The following DIP2C variants were observed in gnomAD, a reference collection of about 807,000 sequenced individuals.
DIP2C encodes disco-interacting protein 2 homolog C.
DIP2C carries 33 observed loss-of-function variants against 192.4 expected under a neutral mutation model. That is an observed-to-expected ratio of 0.17 (90% CI 0.13 to 0.23). The LOEUF is 0.23. Among genes scored for constraint, DIP2C ranks in the 10% least tolerant of loss-of-function variants. The probability of loss-of-function intolerance (pLI) is 1.00; values close to 1 mark genes in which losing one functional copy is unlikely to be tolerated. For synonymous variants in DIP2C, 979 were observed against 864.1 expected (o/e 1.13, Z -2.33); for missense variants, 1,537 against 2,110.1 (o/e 0.73, Z 5.32).
chr10:506,885 C>T (rs115006665), intron 1 of DIP2C, among the ~76,000 whole-genome samples: 1 of 152,182 alleles, frequency 6.6e-6, no homozygotes, highest in Non-Finnish European at 1.5e-5. Context: ...ACACACTGTG[C>T]ACAGAGGTGT....
At chr10:594,626 C>CT (rs1455267374) in intron 1 of DIP2C, among the ~76,000 whole-genome samples, 12 of 151,754 alleles carry the variant, frequency 7.9e-5, no homozygotes, top group Non-Finnish European at 1.5e-5. Flanking sequence ...CGTAAGGGAA[C>CT]TGGAGGGCAC....
intron 33 of DIP2C, among the ~76,000 whole-genome samples, chr10:287,791 C>G (rs1955231288): frequency 6.6e-6 from 1 of 151,784 alleles, no homozygotes; most frequent in Non-Finnish European, 1.5e-5. Flanking sequence ...GTGGCAGAAA[C>G]TACTGGTTGT....
rs780820040 is a variant in DIP2C at position 366,334 on chromosome 10, C to A, written c.2209G>T (p.Ala737Ser). ...TDEIGELCVC[A>S]VATGTSYYGL... is the part of the protein sequence containing the mutation. ...TAGTAGGACGTGCCCGTCGCAACTGCACACACACACAGCTCCCCGATCTCA... is the reference window on the plus strand; with the variant it reads ...TAGTAGGACGTGCCCGTCGCAACTGAACACACACACAGCTCCCCGATCTCA... Residue 737 changes from alanine (A) to serine (S), a missense_variant, in exon 19 of 37, where the codon GCA (alanine) becomes TCA (serine). Physicochemically the swap from Ala to Ser is moderately conservative, Grantham distance 99. Coordinates refer to ENST00000280886, the MANE Select transcript of DIP2C (RefSeq NM_014974.3). The A allele has an allele frequency of 1.9e-6, 3 of 1,611,916 alleles. No individual in the cohort carries two copies. The African/African-American group carries it at 4.0e-5, about 22-fold the overall frequency.
chr10:448,081 A>C (rs1457326327), intron 3 of DIP2C, among the ~76,000 whole-genome samples: 1 of 131,682 alleles, frequency 7.6e-6, no homozygotes, highest in Admixed American at 7.0e-5. Flanking sequence ...GTCTATACTC[A>C]GGATCACACA....
At chr10:606,515 G>A (rs1852490925) in intron 1 of DIP2C, among the ~76,000 whole-genome samples, 1 of 148,778 alleles carries the variant, frequency 6.7e-6, no homozygotes, top group Non-Finnish European at 1.5e-5. Context: ...GGATCTCACG[G>A]CCCCGCTGCC....
At chr10:444,122 C>T (rs931490101) in intron 3 of DIP2C, among the ~76,000 whole-genome samples, 1 of 152,184 alleles carries the variant, frequency 6.6e-6, no homozygotes, top group East Asian at 1.9e-4. Context: ...CCCATCGTCA[C>T]ATGGACTCCA....
At chr10:401,150 A>G (rs1564664569) in intron 9 of DIP2C, among the ~76,000 whole-genome samples, 1 of 149,624 alleles carries the variant, frequency 6.7e-6, no homozygotes, top group Non-Finnish European at 1.5e-5. Flanking sequence ...CAAGTTTGGT[A>G]TGTGTTCATC....
At chr10:372,749 C>CACACAGGCGGCTACAGAAGCGT (rs1961129628) in intron 17 of DIP2C, among the ~76,000 whole-genome samples, 24 of 151,332 alleles carry the variant, frequency 1.6e-4, no homozygotes, top group African/African-American at 5.6e-4. Context: ...CACAGAAGCA[C>CACACAGGCGGCTACAGAAGCGT]GGGTGCTCCC....
chr10:424,783 A>G (rs1357598427), intron 4 of DIP2C, among the ~76,000 whole-genome samples: 3 of 152,200 alleles, frequency 2.0e-5, no homozygotes, highest in African/African-American at 7.2e-5. Flanking sequence ...TCTCCCCAGA[A>G]TGTCTTCTCA....
At chr10:655,598 T>C (rs1856240724) in intron 1 of DIP2C, among the ~76,000 whole-genome samples, 1 of 152,226 alleles carries the variant, frequency 6.6e-6, no homozygotes, top group South Asian at 2.1e-4. Context: ...TTTGCGACTC[T>C]ACTACTGCAC....
intron 10 of DIP2C, among the ~76,000 whole-genome samples, chr10:398,586 T>C (rs999829981): frequency 7.9e-5 from 12 of 152,308 alleles, no homozygotes; most frequent in Non-Finnish European, 1.5e-4. Flanking sequence ...TCCTCAACCT[T>C]GGCAAAATAA....
chr10:495,460 G>A (rs1170759759), intron 1 of DIP2C, among the ~76,000 whole-genome samples: 1 of 152,002 alleles, frequency 6.6e-6, no homozygotes, highest in Non-Finnish European at 1.5e-5. Context: ...GCTTGAAGGG[G>A]CAGGAAAAAA....
At chr10:650,672 A>C in intron 1 of DIP2C, 1 of 619,128 alleles carries the variant, frequency 1.6e-6, no homozygotes, top group Non-Finnish European at 2.9e-6. Flanking sequence ...TGAGCTGGCA[A>C]GGGGCCTCCC....
chr10:426,203 A>G (rs935258765), intron 4 of DIP2C, among the ~76,000 whole-genome samples: 1 of 152,192 alleles, frequency 6.6e-6, no homozygotes, highest in South Asian at 2.1e-4. Context: ...TACTAGCAAT[A>G]AACAACCTGA....
chr10:574,064 C>A (rs927803979), intron 1 of DIP2C, among the ~76,000 whole-genome samples: 1 of 152,200 alleles, frequency 6.6e-6, no homozygotes, highest in African/African-American at 2.4e-5. Context: ...AAGAAAACTG[C>A]ATAGCAGATT....
rs2133142670 is a variant in DIP2C at position 419,123 on chromosome 10, G to T, written c.681C>A (p.Ser227=). The change falls in exon 6 of 37, where the codon TCC becomes TCA. Residue 227 remains serine (S), a synonymous_variant. Transcript: ENST00000280886. ...ACTTGGGCGCTGTCCGGGACCCCGT[G>T]GAACCCTGCGGTCTCTCCACCTGTA... The part of the protein sequence containing the change: ...HSIQVERPQG[S]TGSRTAPKYG... 6.2e-7 allele frequency: 1 copy of T among 1,614,268 alleles called. No individual in the cohort carries two copies. The highest frequency in any genetic ancestry group is 2.2e-5 in the East Asian group (1 of 44,890).
intron 1 of DIP2C, among the ~76,000 whole-genome samples, chr10:495,222 G>T (rs562408617): frequency 6.6e-6 from 1 of 152,182 alleles, no homozygotes; most frequent in Non-Finnish European, 1.5e-5. Context: ...AGGGACTGGG[G>T]AAGGGGAAAC....
chr10:449,527 G>A (rs1211690079), intron 3 of DIP2C, among the ~76,000 whole-genome samples: 1 of 151,168 alleles, frequency 6.6e-6, no homozygotes, highest in Admixed American at 6.6e-5. Flanking sequence ...AGAGAAAAGT[G>A]GTATGTGGCT....
chr10:568,789 A>AC (rs1849602837), intron 1 of DIP2C, among the ~76,000 whole-genome samples: 1 of 140,546 alleles, frequency 7.1e-6, no homozygotes, highest in Non-Finnish European at 1.5e-5. Context: ...AAAAAAAAAA[A>AC]AAAAAAAAAC....
Sources: allele counts gnomAD v4.1 joint callset (sites outside exome capture counted in the v4.1 genomes callset), GRCh38; gene constraint gnomAD v4.1.1; transcripts MANE v1.5; gene names NCBI Gene and HGNC (gene_info 2026-07-23, HGNC 2026-07-21).